KCNC2: variants seen among roughly 807,000 people sequenced by gnomAD.
The protein encoded by KCNC2 is voltage-gated potassium channel KCNC2.
KCNC2 carries 21 observed loss-of-function variants against 44.5 expected under a neutral mutation model. That is an observed-to-expected ratio of 0.47 (90% confidence interval 0.33 to 0.68). The LOEUF is 0.68. KCNC2 is among the 30% of genes least tolerant of loss of function. The probability of loss-of-function intolerance (pLI) is 0.01; values close to 1 mark genes in which losing one functional copy is unlikely to be tolerated. For missense variants in KCNC2, 589 were observed against 826.2 expected, an observed-to-expected ratio of 0.71 and a Z score of 3.52; for synonymous variants, 391 against 339.1, an observed-to-expected ratio of 1.15 and a Z score of -1.68.
intron 4 of KCNC2, 116 bp downstream of exon 4, chr12:75,048,037 A>G: frequency 1.2e-6 from 1 of 844,266 alleles, no homozygotes; most frequent in East Asian, 2.6e-5. Flanking sequence ...AGAGGAAAAG[A>G]GCACTGTACG....
At chr12:75,046,530 T>G (rs1200837408) in intron 4 of KCNC2, among the ~76,000 whole-genome samples, 1 of 151,810 alleles carries the variant, frequency 6.6e-6, no homozygotes, top group Non-Finnish European at 1.5e-5. Context: ...ATTTAACATG[T>G]ATATACATTG....
intron 2 of KCNC2, among the ~76,000 whole-genome samples, chr12:75,154,833 A>T (rs1048185942): frequency 1.3e-5 from 2 of 152,118 alleles, no homozygotes; most frequent in African/African-American, 4.8e-5. Context: ...GATAATATAA[A>T]AGTCGTGTGG....
intron 2 of KCNC2, among the ~76,000 whole-genome samples, chr12:75,111,101 A>T (rs1255998328): frequency 6.6e-6 from 1 of 152,170 alleles, no homozygotes; most frequent in Non-Finnish European, 1.5e-5. Flanking sequence ...AAAATTATCA[A>T]ATTTTTCACA....
At chr12:75,191,994 T>C (rs2030329153) in intron 2 of KCNC2, among the ~76,000 whole-genome samples, 1 of 152,216 alleles carries the variant, frequency 6.6e-6, no homozygotes, top group African/African-American at 2.4e-5. Context: ...GTACCTATGC[T>C]TCTTTAAACA....
intron 2 of KCNC2, among the ~76,000 whole-genome samples, chr12:75,120,568 C>G (rs1887980375): frequency 6.6e-6 from 1 of 152,164 alleles, no homozygotes; most frequent in Admixed American, 6.5e-5. Flanking sequence ...GGAGTAAGAT[C>G]ACAACTGAAG....
At chr12:75,132,361 T>C (rs1226509943) in intron 2 of KCNC2, among the ~76,000 whole-genome samples, 2 of 152,160 alleles carry the variant, frequency 1.3e-5, no homozygotes, top group African/African-American at 4.8e-5. Context: ...GATTGATTAA[T>C]AGAAATAAAG....
intron 2 of KCNC2, among the ~76,000 whole-genome samples, chr12:75,185,590 C>G (rs918173475): frequency 6.6e-6 from 1 of 151,908 alleles, no homozygotes; most frequent in Non-Finnish European, 1.5e-5. Flanking sequence ...TGATCTTGGA[C>G]TTCTCAGCCT....
chr12:75,044,856 T>C (rs1191215838), intron 4 of KCNC2: 1 of 151,994 alleles, frequency 6.6e-6, no homozygotes, highest in Non-Finnish European at 1.5e-5. Flanking sequence ...AATGTTTTGT[T>C]AGTATTCTGA....
intron 2 of KCNC2, among the ~76,000 whole-genome samples, chr12:75,091,031 G>A (rs1885426726): frequency 6.6e-6 from 1 of 151,602 alleles, no homozygotes; most frequent in Admixed American, 6.6e-5. Context: ...GCATCTCAAT[G>A]CTGTACATAA....
At chr12:75,187,269 T>C (rs973901708) in intron 2 of KCNC2, among the ~76,000 whole-genome samples, 8 of 152,210 alleles carry the variant, frequency 5.3e-5, no homozygotes, top group African/African-American at 1.9e-4. Context: ...ATGAGCAATA[T>C]CTCAAAGGAA....
intron 2 of KCNC2, among the ~76,000 whole-genome samples, chr12:75,191,425 G>C (rs1006648123): frequency 5.8e-5 from 8 of 137,340 alleles, no homozygotes; most frequent in Non-Finnish European, 1.2e-4. Flanking sequence ...AAAACTTTTT[G>C]TTTTAAAAAT....
chr12:75,150,971 C>T (rs1424121325), intron 2 of KCNC2, among the ~76,000 whole-genome samples: 1 of 151,754 alleles, frequency 6.6e-6, no homozygotes. Flanking sequence ...TATCTGCTTC[C>T]ATTAGTATGG....
intron 2 of KCNC2, among the ~76,000 whole-genome samples, chr12:75,141,619 T>G (rs1889658714): frequency 6.6e-6 from 1 of 152,190 alleles, no homozygotes; most frequent in South Asian, 2.1e-4. Flanking sequence ...ATTTATTCAT[T>G]TATCAAAATC....
chr12:75,132,982 C>T (rs925586325), intron 2 of KCNC2, among the ~76,000 whole-genome samples: 8 of 151,926 alleles, frequency 5.3e-5, no homozygotes, highest in South Asian at 2.1e-4. Context: ...GATGAATTAG[C>T]GTGCAAGGTT....
intron 2 of KCNC2, among the ~76,000 whole-genome samples, chr12:75,087,862 C>T (rs1285261581): frequency 1.3e-5 from 2 of 152,018 alleles, no homozygotes; most frequent in Non-Finnish European, 2.9e-5. Context: ...AGAAGAATCT[C>T]GATATGACAC....
Position 75,041,157 on chromosome 12 carries a change from C to T in KCNC2, c.*1948G>A, listed in dbSNP as rs1201727342. 1.3e-6 allele frequency: 2 copies of T among 1,596,712 alleles called. No individual in the cohort carries two copies. Among genetic ancestry groups the T allele is most frequent in the South Asian group, 2.2e-5 (2 of 91,054 alleles). On this transcript the variant is annotated 3_prime_UTR_variant, in exon 5 of 5. Coordinates refer to ENST00000549446, the MANE Select transcript of KCNC2 (RefSeq NM_139137.4). Reference sequence around the variant, plus strand: ...TATAGTCCTTGGTATGGCTAAATTCCACTGTCCCTTTCTCAGCAGTCAATA... The same window carrying T: ...TATAGTCCTTGGTATGGCTAAATTCTACTGTCCCTTTCTCAGCAGTCAATA...
At chr12:75,131,764 G>T (rs957646359) in intron 2 of KCNC2, among the ~76,000 whole-genome samples, 1 of 152,128 alleles carries the variant, frequency 6.6e-6, no homozygotes, top group African/African-American at 2.4e-5. Context: ...CAGTTCTACA[G>T]GCACAAAGAA....
intron 2 of KCNC2, among the ~76,000 whole-genome samples, chr12:75,082,522 ATTTTTT>A (rs148537576): frequency 7.3e-6 from 1 of 137,798 alleles, no homozygotes; most frequent in Non-Finnish European, 1.6e-5. Context: ...CACCCACGAG[ATTTTTT>A]TTTTTTTTTT....
chr12:75,041,038 ATAAGCTT>A lies in KCNC2; in HGVS notation c.*2060_*2066del. 7.4e-7 allele frequency: 1 copy of A among 1,348,580 alleles called. No homozygotes were observed. Among genetic ancestry groups the A allele is most frequent in the Admixed American group, 1.7e-5 (1 of 58,408 alleles). The allele number at this position is 1,348,580 out of a possible 1,614,324, so 83.5% of individuals were successfully genotyped here. A position where few individuals can be genotyped will look rare whatever the true frequency, so the allele number is the denominator to read the frequency against. ...GATGAGTTCCAGCCGCAGTTCTTTTATAAGCTTTAAGTGCCTCATGAAGACGCGAGGA... is the reference window on the plus strand; with the variant it reads ...GATGAGTTCCAGCCGCAGTTCTTTTATAAGTGCCTCATGAAGACGCGAGGA... On this transcript the variant is annotated 3_prime_UTR_variant, in exon 5 of 5. Transcript: ENST00000549446.
Sources: gnomAD v4.1 joint callset for allele counts (sites outside exome capture counted in the v4.1 genomes callset) on GRCh38, gnomAD v4.1.1 for gene constraint, MANE v1.5 for transcripts, NCBI Gene and HGNC (gene_info 2026-07-23, HGNC 2026-07-21) for gene names.